GTF2IRD1: variants seen among roughly 807,000 people sequenced by gnomAD.
GTF2IRD1 encodes the protein general transcription factor II-I repeat domain-containing protein 1.
Under a neutral mutation model 113.2 loss-of-function variants are expected in GTF2IRD1, and 26 were observed. The ratio of observed to expected loss-of-function variants is 0.23; its 90% CI spans 0.17 to 0.32. The LOEUF (loss-of-function observed/expected upper bound fraction) is 0.32. GTF2IRD1 is among the 10% of genes least tolerant of loss of function. GTF2IRD1 has a pLI of 1.00. For missense variants in GTF2IRD1, 864 were observed against 1,280.8 expected (o/e 0.67, Z 4.97); for synonymous variants, 484 against 529.1 (o/e 0.91, Z 1.17).
intron 9 of GTF2IRD1, among the ~76,000 whole-genome samples, chr7:74,533,965 T>A (rs1798128449): frequency 6.6e-6 from 1 of 151,252 alleles, no homozygotes; most frequent in Admixed American, 6.6e-5. Flanking sequence ...GGAGTTCAAG[T>A]CTGCAGTGAG....
intron 25 of GTF2IRD1, among the ~76,000 whole-genome samples, chr7:74,600,466 T>G (rs1802685188): frequency 1.3e-5 from 2 of 152,114 alleles, no homozygotes. Context: ...CCCAGCACTT[T>G]GGGAGGCCGA....
At chr7:74,591,195 T>G (rs1389616059) in intron 24 of GTF2IRD1, among the ~76,000 whole-genome samples, 178 bp downstream of exon 24, 2 of 151,778 alleles carry the variant, frequency 1.3e-5, no homozygotes, top group African/African-American at 2.4e-5. Flanking sequence ...TTTTAAAGAT[T>G]ATTTTTTAGA....
chr7:74,547,744 T>G (rs1210148140), intron 17 of GTF2IRD1, among the ~76,000 whole-genome samples: 1 of 149,808 alleles, frequency 6.7e-6, no homozygotes, highest in East Asian at 1.9e-4. Context: ...AGGCCTTTCT[T>G]TTCTCTCTCT....
At chr7:74,540,025 G>A in intron 14 of GTF2IRD1, 57 bp downstream of exon 14, 4 of 1,289,604 alleles carry the variant, frequency 3.1e-6, no homozygotes, top group East Asian at 2.3e-5. Context: ...GGGAGCAAAG[G>A]GAAAGGGGTG....
chr7:74,588,075 A>G (rs1801824591), intron 22 of GTF2IRD1, among the ~76,000 whole-genome samples: 1 of 149,732 alleles, frequency 6.7e-6, no homozygotes, highest in Non-Finnish European at 1.5e-5. Flanking sequence ...CTTCCAGGAC[A>G]TGGGATCTTT....
Position 74,532,853 on chromosome 7 carries a change from G to A in GTF2IRD1, c.1275-2260G>A, listed in dbSNP as rs587729479. Among the ~76,000 whole-genome samples, 4 of 152,286 alleles carry A rather than the reference G, an allele frequency of 2.6e-5. 1 individual carries two copies. In the South Asian group the frequency reaches 8.3e-4, roughly 32 times the overall value. ...TCCCTTGGACATTGTCAGGTATGCA[G>A]GCTGGGACATCCCTTCTTTCCTCCT... On this transcript the variant is annotated intron_variant, in intron 9 of 26. Coordinates refer to ENST00000424337, the MANE Select transcript of GTF2IRD1 (RefSeq NM_005685.4).
chr7:74,545,636 C>G, intron 15 of GTF2IRD1, 108 bp from the exon 16 acceptor site: 1 of 818,358 alleles, frequency 1.2e-6, no homozygotes, highest in Non-Finnish European at 2.1e-6. Flanking sequence ...CCAGCCTTCC[C>G]CCATTCCAAG....
intron 14 of GTF2IRD1, among the ~76,000 whole-genome samples, chr7:74,544,252 A>C (rs1798799143): frequency 6.6e-6 from 1 of 152,132 alleles, no homozygotes; most frequent in Non-Finnish European, 1.5e-5. Flanking sequence ...GTGCAATAGC[A>C]TGACCTCGCT....
intron 1 of GTF2IRD1, among the ~76,000 whole-genome samples, chr7:74,458,220 G>A (rs181195307): frequency 1.3e-3 from 201 of 152,212 alleles, no homozygotes; most frequent in African/African-American, 4.6e-3. Context: ...GGGGCCGCTA[G>A]GACAGGGACC....
chr7:74,524,556 A>G (rs1408371341), intron 8 of GTF2IRD1, among the ~76,000 whole-genome samples: 3 of 151,820 alleles, frequency 2.0e-5, no homozygotes, highest in African/African-American at 7.3e-5. Flanking sequence ...GAGACCTCCC[A>G]TCTCTACAAA....
intron 3 of GTF2IRD1, among the ~76,000 whole-genome samples, chr7:74,514,795 A>T (rs1303685756): frequency 1.3e-5 from 2 of 151,918 alleles, no homozygotes; most frequent in Non-Finnish European, 2.9e-5. Context: ...ACAGAAAGGC[A>T]TGGATGGGGC....
At chr7:74,456,970 T>G (rs1399588670) in intron 1 of GTF2IRD1, among the ~76,000 whole-genome samples, 1 of 152,014 alleles carries the variant, frequency 6.6e-6, no homozygotes, top group Admixed American at 6.6e-5. Flanking sequence ...CACCTTTATA[T>G]CCCCATGATG....
chr7:74,487,778 C>G (rs1349060284), intron 1 of GTF2IRD1, among the ~76,000 whole-genome samples: 2 of 152,090 alleles, frequency 1.3e-5, no homozygotes, highest in African/African-American at 2.4e-5. Flanking sequence ...CAATGTTGAA[C>G]AAAACAACTT....
At chr7:74,563,715 G>T (rs1190064265) in intron 22 of GTF2IRD1, among the ~76,000 whole-genome samples, 2 of 151,972 alleles carry the variant, frequency 1.3e-5, no homozygotes, top group African/African-American at 4.8e-5. Flanking sequence ...ACAAGACCCC[G>T]TCTCTACAAA....
intron 1 of GTF2IRD1, among the ~76,000 whole-genome samples, chr7:74,463,056 A>C (rs1193869078): frequency 6.6e-6 from 1 of 151,416 alleles, no homozygotes; most frequent in Non-Finnish European, 1.5e-5. Flanking sequence ...TCTGGTCTTC[A>C]CTCCTGCAGC....
chr7:74,602,221 A>C (rs1055580974), intron 26 of GTF2IRD1, 144 bp from the exon 27 acceptor site: 130 of 949,286 alleles, frequency 1.4e-4, no homozygotes, highest in Middle Eastern at 9.5e-4. Context: ...CAGCCTGGGC[A>C]GAAGAGTGAA....
chr7:74,513,070 C>T (rs541822874), intron 3 of GTF2IRD1, 99 bp downstream of exon 3: 21 of 1,190,148 alleles, frequency 1.8e-5, no homozygotes, highest in Middle Eastern at 2.6e-4. Flanking sequence ...GCCAGGGTGG[C>T]GGTGTGTGGG....
intron 1 of GTF2IRD1, among the ~76,000 whole-genome samples, chr7:74,487,124 G>A (rs1422186170): frequency 2.0e-5 from 3 of 152,088 alleles, no homozygotes; most frequent in South Asian, 2.1e-4. Flanking sequence ...TGCAACCTCC[G>A]CCTCCCAGGT....
intron 1 of GTF2IRD1, among the ~76,000 whole-genome samples, chr7:74,478,326 C>T (rs1794546702): frequency 6.6e-6 from 1 of 152,218 alleles, no homozygotes; most frequent in African/African-American, 2.4e-5. Context: ...AGTGAGCGGG[C>T]ACTTGGTGTC....
Sources: gnomAD v4.1 joint callset for allele counts (sites outside exome capture counted in the v4.1 genomes callset) on GRCh38, gnomAD v4.1.1 for gene constraint, MANE v1.5 for transcripts, NCBI Gene and HGNC (gene_info 2026-07-23, HGNC 2026-07-21) for gene names.